Variants in PTPRD observed in about 807,000 individuals in gnomAD.
PTPRD encodes the protein protein tyrosine phosphatase receptor type D, also known as receptor-type tyrosine-protein phosphatase delta.
PTPRD carries 34 observed loss-of-function variants against 214.5 expected under a neutral mutation model. That is an observed-to-expected ratio of 0.16 (90% CI 0.12 to 0.21). The LOEUF is 0.21. PTPRD is among the 10% of genes least tolerant of loss of function. The pLI is 1.00. For missense variants in PTPRD, 2,545 were observed against 2,398.7 expected, an observed-to-expected ratio of 1.06 and a Z score of -1.27; for synonymous variants, 1,128 against 845.7, an observed-to-expected ratio of 1.33 and a Z score of -5.79.
chr9:8,818,050 G>C (rs1244135963), intron 11 of PTPRD, among the ~76,000 whole-genome samples: 1 of 152,180 alleles, frequency 6.6e-6, no homozygotes, highest in Non-Finnish European at 1.5e-5. Context: ...GGGCATTTTA[G>C]ATAGAGTTAA....
At chr9:8,730,065 G>A (rs1227576298) in intron 12 of PTPRD, among the ~76,000 whole-genome samples, 1 of 152,006 alleles carries the variant, frequency 6.6e-6, no homozygotes, top group African/African-American at 2.4e-5. Context: ...GACCATCCTG[G>A]CTAACACAGT....
intron 7 of PTPRD, among the ~76,000 whole-genome samples, chr9:9,692,173 G>GTTCGCACTAAATCTCATCTT (rs2097284542): frequency 6.6e-6 from 1 of 151,858 alleles, no homozygotes; most frequent in African/African-American, 2.4e-5. Flanking sequence ...CTATGCTTGT[G>GTTCGCACTAAATCTCATCTT]GGATATTCAT....
intron 11 of PTPRD, among the ~76,000 whole-genome samples, chr9:8,868,039 G>A (rs1057082302): frequency 2.0e-5 from 3 of 152,012 alleles, no homozygotes; most frequent in Admixed American, 2.0e-4. Flanking sequence ...ATCAGATCAG[G>A]AGTCCAAATG....
At chr9:8,697,715 G>A (rs185807289) in intron 12 of PTPRD, among the ~76,000 whole-genome samples, 13 of 151,948 alleles carry the variant, frequency 8.6e-5, no homozygotes, top group South Asian at 6.3e-4. Flanking sequence ...GAGCCACCAC[G>A]CCCAGGCCTG....
intron 2 of PTPRD, among the ~76,000 whole-genome samples, chr9:10,552,250 GC>G (rs1182537974): frequency 1.4e-5 from 2 of 146,020 alleles, no homozygotes; most frequent in African/African-American, 5.1e-5. Flanking sequence ...AGAAAACCAA[GC>G]TTTTTTATCT....
chr9:8,712,026 A>G (rs1002262562), intron 12 of PTPRD, among the ~76,000 whole-genome samples: 1 of 152,242 alleles, frequency 6.6e-6, no homozygotes, highest in Non-Finnish European at 1.5e-5. Context: ...AGTAATGAAT[A>G]CATAACTATG....
At chr9:8,933,794 C>T (rs925978184) in intron 11 of PTPRD, among the ~76,000 whole-genome samples, 3 of 151,968 alleles carry the variant, frequency 2.0e-5, no homozygotes, top group African/African-American at 7.3e-5. Flanking sequence ...GCATTTTGAC[C>T]ATCTTTAATA....
At chr9:9,844,724 A>T (rs2059090793) in intron 5 of PTPRD, among the ~76,000 whole-genome samples, 1 of 151,942 alleles carries the variant, frequency 6.6e-6, no homozygotes, top group South Asian at 2.1e-4. Context: ...AATCTCATTA[A>T]CTAGAATTTG....
chr9:9,628,118 ATC>A (rs2095479134), intron 7 of PTPRD, among the ~76,000 whole-genome samples: 3 of 152,162 alleles, frequency 2.0e-5, no homozygotes, highest in Non-Finnish European at 4.4e-5. Context: ...TAAAATTTTA[ATC>A]ATTAGTCAAC....
intron 11 of PTPRD, among the ~76,000 whole-genome samples, chr9:8,859,711 G>T (rs1219601939): frequency 2.6e-5 from 4 of 151,648 alleles, no homozygotes; most frequent in Admixed American, 2.0e-4. Context: ...CCGAAGGATT[G>T]GTCAGTAATC....
At chr9:8,847,387 A>T (rs2097720009) in intron 11 of PTPRD, among the ~76,000 whole-genome samples, 2 of 152,110 alleles carry the variant, frequency 1.3e-5, no homozygotes, top group Non-Finnish European at 1.5e-5. Context: ...ATATTACCTA[A>T]AAAAGTACAC....
intron 5 of PTPRD, among the ~76,000 whole-genome samples, chr9:9,903,010 T>C (rs2076753369): frequency 6.6e-6 from 1 of 152,046 alleles, no homozygotes; most frequent in Admixed American, 6.6e-5. Flanking sequence ...TTTACCTGAG[T>C]GAAAAACATC....
intron 9 of PTPRD, among the ~76,000 whole-genome samples, chr9:9,287,907 C>A (rs985328175): frequency 1.3e-5 from 2 of 151,658 alleles, no homozygotes; most frequent in African/African-American, 2.4e-5. Context: ...TTCTCAGATG[C>A]CTTTGAAAGC....
chr9:10,406,498 G>C (rs895564035), intron 2 of PTPRD, among the ~76,000 whole-genome samples: 2 of 151,450 alleles, frequency 1.3e-5, no homozygotes, highest in African/African-American at 4.8e-5. Flanking sequence ...TCTGACTTTG[G>C]AAATTAGAAA....
At chr9:9,871,500 C>T (rs544877396) in intron 5 of PTPRD, among the ~76,000 whole-genome samples, 22 of 152,280 alleles carry the variant, frequency 1.4e-4, no homozygotes, top group Admixed American at 7.2e-4. Context: ...TCAGGGGAGC[C>T]GCTGTATTTC....
At chr9:9,179,592 T>C (rs2099926935) in intron 10 of PTPRD, among the ~76,000 whole-genome samples, 1 of 152,124 alleles carries the variant, frequency 6.6e-6, no homozygotes, top group Non-Finnish European at 1.5e-5. Context: ...ATCTATGGTT[T>C]CAATGTTTAG....
intron 10 of PTPRD, among the ~76,000 whole-genome samples, chr9:9,138,429 T>A (rs182071563): frequency 6.6e-6 from 1 of 152,280 alleles, no homozygotes; most frequent in East Asian, 1.9e-4. Flanking sequence ...GTCAAACATA[T>A]CTTGAATCAG....
At chr9:8,397,590 G>A (rs927841907) in intron 36 of PTPRD, among the ~76,000 whole-genome samples, 1 of 152,132 alleles carries the variant, frequency 6.6e-6, no homozygotes, top group Non-Finnish European at 1.5e-5. Flanking sequence ...GTTAGCATGT[G>A]CTCACAGCTG....
chr9:10,523,622 T>TATATAGAGAGAGAGAGAGAG (rs554367559), intron 2 of PTPRD, among the ~76,000 whole-genome samples: 17 of 131,386 alleles, frequency 1.3e-4, no homozygotes, highest in African/African-American at 3.4e-4. Flanking sequence ...TATATATATA[T>TATATAGAGAGAGAGAGAGAG]AGACAGAAAG....
Sources: allele counts gnomAD v4.1 joint callset (sites outside exome capture counted in the v4.1 genomes callset), GRCh38; gene constraint gnomAD v4.1.1; transcripts MANE v1.5; gene names NCBI Gene and HGNC (gene_info 2026-07-23, HGNC 2026-07-21).